FRMD4A: variants seen among roughly 807,000 people sequenced by gnomAD.
The protein encoded by FRMD4A is FERM domain containing 4A, also known as FERM domain-containing protein 4A.
A neutral mutation model predicts 129.1 loss-of-function variants in FRMD4A; 29 were observed. The observed-to-expected ratio is 0.22, with a 90% CI of 0.17 to 0.31. The LOEUF is 0.31. FRMD4A is among the 10% of genes least tolerant of loss of function. FRMD4A has a pLI of 1.00. For missense variants in FRMD4A, 1,272 were observed against 1,375.8 expected, an observed-to-expected ratio of 0.92 and a Z score of 1.19; for synonymous variants, 634 against 571.6, an observed-to-expected ratio of 1.11 and a Z score of -1.56.
At chr10:14,069,872 C>T (rs1835235622) in intron 2 of FRMD4A, among the ~76,000 whole-genome samples, 1 of 152,134 alleles carries the variant, frequency 6.6e-6, no homozygotes, top group Non-Finnish European at 1.5e-5. Context: ...TCTCCTGGCC[C>T]TTTATTTGCC....
chr10:13,884,204 A>ACTCC (rs2094589303), intron 2 of FRMD4A, among the ~76,000 whole-genome samples: 1 of 52,292 alleles, frequency 1.9e-5, no homozygotes, highest in African/African-American at 6.9e-5. Context: ...ACTCACACAC[A>ACTCC]CACTCACACA....
chr10:13,657,535 G>A lies in FRMD4A; in HGVS notation c.2067-13C>T. ...GATGTCCACCGACCTGCCGGGAGAC[G>A]ACCCGGGTTGGTCTGGGGGTGGGGA... On this transcript the variant is annotated splice_polypyrimidine_tract_variant and intron_variant, in intron 21 of 24. Coordinates refer to ENST00000357447, the MANE Select transcript of FRMD4A (RefSeq NM_018027.5). 4 of 1,550,828 alleles carry A rather than the reference G, an allele frequency of 2.6e-6. No homozygotes were observed. The highest frequency in any genetic ancestry group is 1.2e-5 in the South Asian group (1 of 84,190).
intron 2 of FRMD4A, among the ~76,000 whole-genome samples, chr10:14,129,408 A>AG (rs1491249191): frequency 9.7e-6 from 1 of 103,200 alleles, no homozygotes; most frequent in Non-Finnish European, 1.8e-5. Flanking sequence ...ATATATATAT[A>AG]AAAAATATGA....
intron 2 of FRMD4A, among the ~76,000 whole-genome samples, chr10:14,193,738 T>C (rs1368925983): frequency 2.0e-5 from 3 of 151,750 alleles, no homozygotes; most frequent in African/African-American, 4.8e-5. Context: ...CAAATACATA[T>C]GCCTAGAGAT....
intron 2 of FRMD4A, among the ~76,000 whole-genome samples, chr10:13,934,493 G>T (rs1352053061): frequency 6.6e-6 from 1 of 151,628 alleles, no homozygotes; most frequent in African/African-American, 2.4e-5. Context: ...AAATGGAGAT[G>T]CTGGCTGTCC....
intron 2 of FRMD4A, among the ~76,000 whole-genome samples, chr10:14,201,281 G>A (rs759072245): frequency 6.6e-6 from 1 of 152,208 alleles, no homozygotes; most frequent in African/African-American, 2.4e-5. Context: ...ATTCCCTGCT[G>A]CCCTTCTCTT....
intron 3 of FRMD4A, among the ~76,000 whole-genome samples, chr10:13,853,689 T>A (rs1221201753): frequency 6.6e-6 from 1 of 151,694 alleles, no homozygotes; most frequent in Non-Finnish European, 1.5e-5. Context: ...CAAAAGTAGC[T>A]GGGCATGGTG....
In FRMD4A at chr10:13,707,375, C is replaced by A. The variant is rs777275140; in HGVS notation, c.760-262G>T. 360 of 1,158,486 alleles carry A rather than the reference C, an allele frequency of 3.1e-4. 1 individual carries two copies. Among genetic ancestry groups the A allele is most frequent in the Non-Finnish European group, 3.6e-4 (333 of 936,908 alleles). 71.8% of individuals were successfully genotyped at this position (1,158,486 alleles called of 1,614,324 possible). On this transcript the variant is annotated intron_variant, in intron 12 of 24. Coordinates refer to ENST00000357447, the MANE Select transcript of FRMD4A (RefSeq NM_018027.5). ...ACAAAACAAGTTCTTTTCAAGTTCT[C>A]CGCCTTCGGTCGGCCTTTGTTGGTT...
At position 13,821,014 on chromosome 10, in the gene FRMD4A, G is replaced by T. The variant is rs1278175566; in HGVS notation, c.112-10106C>A. Among the ~76,000 whole-genome samples the T allele has an allele frequency of 6.6e-6, 1 of 152,226 alleles. No homozygotes were observed. The highest frequency in any genetic ancestry group is 2.4e-5 in the African/African-American group (1 of 41,470). On this transcript the variant is annotated intron_variant, in intron 3 of 24. Transcript: ENST00000357447. This position sits in a 1 kb window ranked among gnomAD's most constrained non-coding sequence, Gnocchi z 4.3. ...AGCGCAGCTTTGAATAAATGAGCCTGAGCAAGCTGCCGGGTCTGAAGCCTG... is the reference window on the plus strand; with the variant it reads ...AGCGCAGCTTTGAATAAATGAGCCTTAGCAAGCTGCCGGGTCTGAAGCCTG...
At chr10:14,070,107 T>C (rs1373536800) in intron 2 of FRMD4A, among the ~76,000 whole-genome samples, 4 of 152,142 alleles carry the variant, frequency 2.6e-5, no homozygotes, top group Non-Finnish European at 4.4e-5. Flanking sequence ...AGCTGCTCAG[T>C]GTCTGTCTCT....
At chr10:14,225,907 T>C (rs1843419292) in intron 2 of FRMD4A, among the ~76,000 whole-genome samples, 1 of 152,148 alleles carries the variant, frequency 6.6e-6, no homozygotes, top group Admixed American at 6.6e-5. Flanking sequence ...TCTAGGGCCA[T>C]CTCAAAGGGG....
Position 13,707,078 on chromosome 10 carries a change from G to A in FRMD4A, c.795C>T (p.Phe265=), listed in dbSNP as rs757270229. The change falls in exon 13 of 25, where the codon TTC becomes TTT. Residue 265 remains phenylalanine, a synonymous_variant. Transcript: ENST00000357447. ...CTTCCACGGAAAACTTCTTTTCTCT[G>A]AAGTACAGGTTTTCCAACTGTCTCC... ...FQWRQLENLY[F]REKKFSVEVH... is the part of the protein sequence containing the mutation. 2 of 1,595,654 alleles carry A rather than the reference G, an allele frequency of 1.3e-6. No individual in the cohort carries two copies. The highest frequency in any genetic ancestry group is 2.7e-5 in the African/African-American group (2 of 74,508).
At position 13,808,365 on chromosome 10, in the gene FRMD4A, C is replaced by T. The variant is rs571307601; in HGVS notation, c.206+2449G>A. On this transcript the variant is annotated intron_variant, in intron 4 of 24. Transcript: ENST00000357447. ...AATACACATGCAGAATTAGAAAACA[C>T]GGTTATAAAACAATTTTGCTGTAGT... 5.9e-5 allele frequency among the ~76,000 whole-genome samples: 9 copies of T among 152,288 alleles called. No individual in the cohort carries two copies. The South Asian group carries it at 1.0e-3, about 18-fold the overall frequency.
intron 2 of FRMD4A, among the ~76,000 whole-genome samples, chr10:14,158,644 G>A (rs1840721159): frequency 6.6e-6 from 1 of 151,668 alleles, no homozygotes; most frequent in East Asian, 1.9e-4. Context: ...AGAAAGAGGA[G>A]AAGGAGGAGG....
At chr10:14,185,715 A>T (rs1842109754) in intron 2 of FRMD4A, among the ~76,000 whole-genome samples, 2 of 152,312 alleles carry the variant, frequency 1.3e-5, no homozygotes, top group African/African-American at 4.8e-5. Flanking sequence ...CACCTTCAGT[A>T]GTTCTAGAGA....
intron 2 of FRMD4A, among the ~76,000 whole-genome samples, chr10:14,278,537 A>G (rs1033589451): frequency 1.8e-4 from 28 of 152,208 alleles, no homozygotes; most frequent in Non-Finnish European, 8.8e-5. Context: ...GCAGCTTTGA[A>G]ACATTTGTTC....
chr10:14,089,323 TCC>T (rs1325526733), intron 2 of FRMD4A, among the ~76,000 whole-genome samples: 1 of 152,000 alleles, frequency 6.6e-6, no homozygotes, highest in Admixed American at 6.5e-5. Flanking sequence ...ATTCCTTGTT[TCC>T]CCCGCTGGGG....
intron 2 of FRMD4A, among the ~76,000 whole-genome samples, chr10:14,254,678 A>T (rs1041991028): frequency 6.6e-6 from 1 of 152,000 alleles, no homozygotes; most frequent in Non-Finnish European, 1.5e-5. Flanking sequence ...ATTACTTCTC[A>T]TCTATCATAA....
chr10:14,045,891 A>G (rs973810950), intron 2 of FRMD4A, among the ~76,000 whole-genome samples: 1 of 147,116 alleles, frequency 6.8e-6, no homozygotes, highest in Non-Finnish European at 1.5e-5. Context: ...TATAATTATG[A>G]TAGTAAAACT....
Sources: allele counts gnomAD v4.1 joint callset (sites outside exome capture counted in the v4.1 genomes callset), GRCh38; gene constraint gnomAD v4.1.1; non-coding constraint Gnocchi (gnomAD v3.1); transcripts MANE v1.5; gene names NCBI Gene and HGNC (gene_info 2026-07-23, HGNC 2026-07-21).